The following CABCOCO1 variants were observed in gnomAD, a reference collection of about 807,000 sequenced individuals.
The protein encoded by CABCOCO1 is ciliary-associated calcium-binding coiled-coil protein 1.
In CABCOCO1, 28 loss-of-function variants were observed where a neutral mutation model predicts 35.7. The ratio of observed to expected loss-of-function variants is 0.78; its 90% CI spans 0.58 to 1.07. The LOEUF (loss-of-function observed/expected upper bound fraction) is 1.07. Ranked by LOEUF, CABCOCO1 falls within the 50% of genes least tolerant of loss-of-function variation. The pLI, the probability that CABCOCO1 is intolerant of heterozygous loss-of-function variation, is 0.00. For missense variants in CABCOCO1, 326 were observed against 309.2 expected (o/e 1.05, Z -0.41); for synonymous variants, 95 against 100.1 (o/e 0.95, Z 0.30).
chr10:61,680,464 TA>T (rs1839690499), intron 2 of CABCOCO1, among the ~76,000 whole-genome samples: 1 of 116,452 alleles, frequency 8.6e-6, no homozygotes, highest in Non-Finnish European at 1.7e-5. Context: ...ATATAACATA[TA>T]TAATATATAT....
At chr10:61,739,439 T>A (rs1724995721) in intron 5 of CABCOCO1, among the ~76,000 whole-genome samples, 1 of 152,224 alleles carries the variant, frequency 6.6e-6, no homozygotes, top group South Asian at 2.1e-4. Flanking sequence ...AAAGTTCTCA[T>A]GTAAATGTTA....
intron 5 of CABCOCO1, among the ~76,000 whole-genome samples, chr10:61,699,116 T>C (rs1840372128): frequency 6.6e-6 from 1 of 152,112 alleles, no homozygotes; most frequent in Non-Finnish European, 1.5e-5. Flanking sequence ...ACATTGGGTG[T>C]TGCTAAAGAA....
chr10:61,735,347 A>G (rs1814635561), intron 5 of CABCOCO1, among the ~76,000 whole-genome samples: 1 of 152,106 alleles, frequency 6.6e-6, no homozygotes, highest in African/African-American at 2.4e-5. Flanking sequence ...CTATCAATAA[A>G]ATCAGATAAA....
chr10:61,692,857 G>A (rs1224900437), intron 5 of CABCOCO1, among the ~76,000 whole-genome samples: 3 of 152,026 alleles, frequency 2.0e-5, no homozygotes, highest in Non-Finnish European at 2.9e-5. Flanking sequence ...CTCATATCGC[G>A]TGACAGCCCT....
intron 5 of CABCOCO1, among the ~76,000 whole-genome samples, chr10:61,728,328 T>A (rs1564549180): frequency 1.3e-5 from 2 of 152,176 alleles, no homozygotes; most frequent in South Asian, 2.1e-4. Context: ...CGACATTTGG[T>A]AATAAAATAC....
At chr10:61,667,360 A>C (rs946317752) in intron 1 of CABCOCO1, among the ~76,000 whole-genome samples, 5 of 151,032 alleles carry the variant, frequency 3.3e-5, no homozygotes, top group Non-Finnish European at 5.9e-5. Flanking sequence ...TTTTACATTC[A>C]TCTTTAAAAT....
At chr10:61,671,200 C>G (rs1161699181) in intron 1 of CABCOCO1, among the ~76,000 whole-genome samples, 9 of 152,060 alleles carry the variant, frequency 5.9e-5, no homozygotes, top group Non-Finnish European at 1.2e-4. Flanking sequence ...GTGGCAGGCC[C>G]CTGTAGTCCC....
chr10:61,690,697 T>C (rs1176078737), intron 5 of CABCOCO1, 76 bp downstream of exon 5: 1 of 898,370 alleles, frequency 1.1e-6, no homozygotes, highest in Non-Finnish European at 1.8e-6. Flanking sequence ...GATCTTTAAC[T>C]GCTTAAAGCA....
rs190114592 is a variant in CABCOCO1, at chr10:61,682,583, T to G, written c.334+1271T>G. ...ACTGTAGAATATTTTTTATTTCTTA[T>G]GATGCTAAATTGGTTTTCCCCTCAA... On this transcript the variant is annotated intron_variant, in intron 3 of 7. Transcript: ENST00000648843. Among the ~76,000 whole-genome samples the G allele has an allele frequency of 1.1e-3, 170 of 152,340 alleles. 1 individual carries two copies. The highest frequency in any genetic ancestry group is 3.9e-3 in the African/African-American group (161 of 41,578).
chr10:61,742,799 G>A (rs574464932), intron 5 of CABCOCO1, among the ~76,000 whole-genome samples: 77 of 152,274 alleles, frequency 5.1e-4, no homozygotes, highest in African/African-American at 1.7e-3. Flanking sequence ...ACTAGAAAAT[G>A]TTGAGAGAGA....
At chr10:61,755,825 A>C (rs1005598709) in intron 5 of CABCOCO1, among the ~76,000 whole-genome samples, 2 of 152,044 alleles carry the variant, frequency 1.3e-5, no homozygotes, top group African/African-American at 4.8e-5. Flanking sequence ...AAAATAGAAA[A>C]AAGAAAGCAT....
chr10:61,705,970 C>T (rs7904285), intron 5 of CABCOCO1, among the ~76,000 whole-genome samples: 117,878 of 152,028 alleles, frequency 0.78, 46,447 homozygotes, highest in Middle Eastern at 0.95. Context: ...AAGAGACTGT[C>T]TAGATTATTT....
chr10:61,760,252 C>A, intron 6 of CABCOCO1, 71 bp downstream of exon 6: 1 of 1,506,008 alleles, frequency 6.6e-7, no homozygotes, highest in Non-Finnish European at 9.0e-7. Context: ...AGGAAACGAA[C>A]TAAATGTTTT....
At chr10:61,688,502 T>A (rs1272445423) in intron 4 of CABCOCO1, among the ~76,000 whole-genome samples, 2 of 152,228 alleles carry the variant, frequency 1.3e-5, no homozygotes, top group Admixed American at 6.5e-5. Flanking sequence ...TGTACATTTT[T>A]ACAGTGTATT....
chr10:61,743,506 A>G (rs932898452), intron 5 of CABCOCO1, among the ~76,000 whole-genome samples: 2 of 152,060 alleles, frequency 1.3e-5, no homozygotes, highest in African/African-American at 4.8e-5. Context: ...GACTCTACCA[A>G]TTGGTTTACT....
intron 5 of CABCOCO1, among the ~76,000 whole-genome samples, chr10:61,742,453 A>G (rs536106312): frequency 2.0e-5 from 3 of 152,312 alleles, no homozygotes; most frequent in South Asian, 4.1e-4. Context: ...CTTTGACTCA[A>G]ACTCAAACTA....
rs144683488 is a variant in CABCOCO1 at position 61,714,944 on chromosome 10, T to C, written c.552+24323T>C. On this transcript the variant is annotated intron_variant, in intron 5 of 7. Coordinates refer to ENST00000648843, the MANE Select transcript of CABCOCO1 (RefSeq NM_001366906.2). ...GCTTTACTTCCAATTATGTGGTCAG[T>C]TTTAGAATAAGTGTGATGTGGTGCT... 8.6e-3 allele frequency among the ~76,000 whole-genome samples: 1,310 copies of C among 152,264 alleles called. 18 individuals carry two copies. The highest frequency in any genetic ancestry group is 0.029 in the African/African-American group (1,209 of 41,552).
At chr10:61,696,031 A>G (rs1840286145) in intron 5 of CABCOCO1, among the ~76,000 whole-genome samples, 1 of 152,078 alleles carries the variant, frequency 6.6e-6, no homozygotes, top group South Asian at 2.1e-4. Context: ...ATTAAGATGG[A>G]TGGATGGATG....
At chr10:61,687,306 T>TG (rs1839994543) in intron 4 of CABCOCO1, among the ~76,000 whole-genome samples, 1 of 152,180 alleles carries the variant, frequency 6.6e-6, no homozygotes, top group Admixed American at 6.5e-5. Context: ...GTCCTTGTGT[T>TG]GGGGGAGACG....
Sources: allele counts gnomAD v4.1 joint callset (sites outside exome capture counted in the v4.1 genomes callset), GRCh38; gene constraint gnomAD v4.1.1; transcripts MANE v1.5; gene names NCBI Gene and HGNC (gene_info 2026-07-23, HGNC 2026-07-21).